Variants in ELN observed in about 807,000 individuals in gnomAD.
The protein encoded by ELN is elastin, also known as tropoelastin.
A neutral mutation model predicts 105.8 loss-of-function variants in ELN; 65 were observed. That is an observed-to-expected ratio of 0.61 (90% CI 0.50 to 0.75). The LOEUF is 0.75. Among genes scored for constraint, ELN ranks in the 30% least tolerant of loss-of-function variants. The pLI is 0.00. For missense variants in ELN, 882 were observed against 969.4 expected (o/e 0.91, Z 1.20); for synonymous variants, 368 against 389.2 (o/e 0.95, Z 0.64).
intron 26 of ELN, 134 bp downstream of exon 26, chr7:74,061,273 T>A: frequency 8.9e-7 from 1 of 1,125,124 alleles, no homozygotes; most frequent in Non-Finnish European, 1.3e-6. Context: ...TCCCAGCACT[T>A]TGGGAGGCCG....
chr7:74,030,350 G>C (rs1163328101), intron 1 of ELN, among the ~76,000 whole-genome samples: 1 of 152,140 alleles, frequency 6.6e-6, no homozygotes, highest in African/African-American at 2.4e-5. Flanking sequence ...CTGTTGCGGG[G>C]GTGGGGGAGC....
In ELN at chr7:74,041,205, C is replaced by T. The variant is rs782782862; in HGVS notation, c.197-11C>T. 8 of 1,614,018 alleles carry T rather than the reference C, an allele frequency of 5.0e-6. No homozygotes were observed. Among genetic ancestry groups the T allele is most frequent in the Non-Finnish European group, 5.9e-6 (7 of 1,179,888 alleles). ...ACTGCCTACACTCCTGTCTCTGTTT[C>T]TTATCCACAGTTCCCGGAGGGCTTG... On this transcript the variant is annotated splice_polypyrimidine_tract_variant and intron_variant, in intron 4 of 32. Transcript: ENST00000252034.
chr7:74,039,489 G>T (rs1554667314), intron 4 of ELN, among the ~76,000 whole-genome samples: 2 of 152,260 alleles, frequency 1.3e-5, no homozygotes, highest in Non-Finnish European at 2.9e-5. Context: ...AGCACAGGCA[G>T]CGCGTGTCAT....
intron 9 of ELN, among the ~76,000 whole-genome samples, chr7:74,044,604 C>T (rs1792031547): frequency 6.6e-6 from 1 of 152,210 alleles, no homozygotes. Flanking sequence ...CTGCCCCTCA[C>T]CCTCCTTTCC....
intron 29 of ELN, among the ~76,000 whole-genome samples, chr7:74,064,573 G>A (rs554115598): frequency 3.7e-4 from 57 of 152,066 alleles, no homozygotes; most frequent in African/African-American, 1.3e-3. Flanking sequence ...CCAAGATCAC[G>A]CCGCTGCACT....
chr7:74,068,278 G>T (rs1798418271), intron 32 of ELN, among the ~76,000 whole-genome samples: 1 of 152,170 alleles, frequency 6.6e-6, no homozygotes, highest in Admixed American at 6.5e-5. Flanking sequence ...CCCTGAGAGG[G>T]CCGTCTCCTG....
intron 22 of ELN, among the ~76,000 whole-genome samples, chr7:74,058,265 CTTCT>C (rs1388821386): frequency 2.4e-4 from 4 of 16,952 alleles, no homozygotes; most frequent in Non-Finnish European, 4.5e-4. Context: ...CTTCTTTCTC[CTTCT>C]TCTTCTTCTT....
Position 74,059,945 on chromosome 7 carries a change from G to C in ELN, c.1474G>C (p.Ala492Pro), listed in dbSNP as rs782432755. The change falls in exon 23 of 33, where the codon GCT (alanine) becomes CCT (proline). Residue 492 changes from alanine (A) to proline (P), a missense_variant. By Grantham distance (27) the Ala-to-Pro change is conservative (BLOSUM62 -1). Transcript: ENST00000252034. ...TGGCGTGGCTCCTGGTGTCGGTGTG[G>C]CTCCTGGAGTTGGCTTGGCTCCTGG... is the stretch of plus-strand genomic sequence containing the variant. The part of the protein sequence containing the change: ...GVGVAPGVGV[A>P]PGVGLAPGVG... 6 of 1,607,150 alleles carry C rather than the reference G, an allele frequency of 3.7e-6. No homozygotes were observed. Among genetic ancestry groups the C allele is most frequent in the Admixed American group, 1.7e-5 (1 of 59,974 alleles).
chr7:74,052,161 C>T, intron 17 of ELN, 178 bp downstream of exon 17: 1 of 725,442 alleles, frequency 1.4e-6, no homozygotes, highest in African/African-American at 1.8e-5. Context: ...TATTGTTTTG[C>T]CCTGATTAAC....
At chr7:74,052,086 A>G in intron 17 of ELN, 103 bp downstream of exon 17, 1 of 1,313,120 alleles carries the variant, frequency 7.6e-7, no homozygotes, top group Non-Finnish European at 1.1e-6. Context: ...TTCCTTCCCA[A>G]ATATGCATTG....
intron 32 of ELN, among the ~76,000 whole-genome samples, chr7:74,067,279 T>G (rs1584058606): frequency 1.3e-5 from 2 of 152,002 alleles, no homozygotes; most frequent in Admixed American, 1.3e-4. Flanking sequence ...GTCTTCTTTT[T>G]TTTTTTGAGA....
At chr7:74,047,744 C>T in intron 13 of ELN, 28 bp downstream of exon 13, 1 of 1,614,004 alleles carries the variant, frequency 6.2e-7, no homozygotes, top group Non-Finnish European at 8.5e-7. Flanking sequence ...AGACTGTGGG[C>T]TTCCAGCTCT....
chr7:74,036,552 C>A lies in ELN; in HGVS notation c.134-3C>A, dbSNP rs1789998171. ...CTCTCTTTCTCTTTCTCTCCCCCCA[C>A]AGGGGCTGGTCTCGGAGCCCTTGGA... On this transcript the variant is annotated splice_polypyrimidine_tract_variant and splice_region_variant and intron_variant, in intron 2 of 32. Coordinates refer to ENST00000252034, the MANE Select transcript of ELN (RefSeq NM_000501.4). 1 of 1,613,954 alleles carries A rather than the reference C, an allele frequency of 6.2e-7. No homozygotes were observed. Among genetic ancestry groups the A allele is most frequent in the Admixed American group, 1.7e-5 (1 of 59,998 alleles).
intron 1 of ELN, among the ~76,000 whole-genome samples, chr7:74,033,320 G>A (rs547421259): frequency 3.3e-5 from 5 of 152,360 alleles, no homozygotes; most frequent in African/African-American, 1.2e-4. Flanking sequence ...AGAGAGGCAC[G>A]TGAAGAATGA....
At chr7:74,038,136 G>A (rs1326582159) in intron 4 of ELN, 1 of 331,454 alleles carries the variant, frequency 3.0e-6, no homozygotes, top group Non-Finnish European at 5.9e-6. Flanking sequence ...CAGATCCTCA[G>A]CCCCAGACTT....
At chr7:74,046,285 G>A (rs1792503024) in intron 11 of ELN, 68 bp downstream of exon 11, 1 of 1,607,976 alleles carries the variant, frequency 6.2e-7, no homozygotes, top group African/African-American at 1.3e-5. Flanking sequence ...GGGAGGGGTT[G>A]GGCACCCAAG....
intron 18 of ELN, among the ~76,000 whole-genome samples, chr7:74,053,594 C>T (rs1317451464): frequency 6.6e-6 from 1 of 151,998 alleles, no homozygotes; most frequent in African/African-American, 2.4e-5. Flanking sequence ...TAGCCCTTAG[C>T]TGAGTAGGTG....
At chr7:74,056,865 C>T in intron 21 of ELN, 152 bp downstream of exon 21, 1 of 969,160 alleles carries the variant, frequency 1.0e-6, no homozygotes, top group East Asian at 2.6e-5. Context: ...AGCCACACTC[C>T]ACTCTTACTG....
chr7:74,068,150 G>T (rs1418471962), intron 32 of ELN, among the ~76,000 whole-genome samples: 1 of 152,102 alleles, frequency 6.6e-6, no homozygotes, highest in Non-Finnish European at 1.5e-5. Flanking sequence ...CCAGGAGGGG[G>T]TAGGAATCCT....
Sources: allele counts gnomAD v4.1 joint callset (sites outside exome capture counted in the v4.1 genomes callset), GRCh38; gene constraint gnomAD v4.1.1; transcripts MANE v1.5; gene names NCBI Gene and HGNC (gene_info 2026-07-23, HGNC 2026-07-21).